The following CNIH3 variants were observed in gnomAD, a reference collection of about 807,000 sequenced individuals.
The protein encoded by CNIH3 is protein cornichon homolog 3.
In CNIH3, 14 loss-of-function variants were observed where a neutral mutation model predicts 24.1. The observed-to-expected ratio is 0.58, with a 90% CI of 0.38 to 0.91. CNIH3 has a LOEUF of 0.91. Ranked by LOEUF, CNIH3 falls within the 40% of genes least tolerant of loss-of-function variation. CNIH3 has a pLI of 0.00. For missense variants in CNIH3, 178 were observed against 196.8 expected, an observed-to-expected ratio of 0.90 and a Z score of 0.57; for synonymous variants, 68 against 73.8, an observed-to-expected ratio of 0.92 and a Z score of 0.40.
intron 3 of CNIH3, among the ~76,000 whole-genome samples, chr1:224,555,031 G>T (rs1680080513): frequency 6.6e-6 from 1 of 152,136 alleles, no homozygotes; most frequent in Non-Finnish European, 1.5e-5. Flanking sequence ...CGTGGGTTTT[G>T]GTATTTGTTG....
Position 224,469,307 on chromosome 1 carries a change from C to G in CNIH3, n.203+34445C>G, listed in dbSNP as rs964887300. Among the ~76,000 whole-genome samples, 18 of 152,006 alleles carry G rather than the reference C, an allele frequency of 1.2e-4. No homozygotes were observed. In the South Asian group the frequency reaches 2.3e-3, roughly 19 times the overall value. On this transcript the variant is annotated intron_variant and non_coding_transcript_variant, in intron 1 of 5. Transcript: ENST00000471578. ...ATATTTCCCAGGCTGGTCTTGAACT[C>G]CTGGACTCAAATGATCCTTCCACCT...
intron 3 of CNIH3, among the ~76,000 whole-genome samples, chr1:224,610,520 T>G (rs1682642138): frequency 6.6e-6 from 1 of 152,206 alleles, no homozygotes; most frequent in South Asian, 2.1e-4. Context: ...CCCCGTTGCC[T>G]TCTGCTGTGA....
At position 224,547,587 on chromosome 1, in the gene CNIH3, G is replaced by A. The variant is rs185521539; in HGVS notation, n.450+648G>A. ...CTGTGATATTCTTCATAATATATAA[G>A]GGAGATGTTACTCCTAATATCACAG... On this transcript the variant is annotated intron_variant and non_coding_transcript_variant, in intron 3 of 5. Coordinates refer to the CNIH3 transcript ENST00000471578. Among the ~76,000 whole-genome samples the A allele has an allele frequency of 4.7e-3, 719 of 151,608 alleles. 7 individuals are homozygous for A. The highest frequency in any genetic ancestry group is 0.027 in the Middle Eastern group (8 of 292).
At chr1:224,563,512 G>A (rs1052942586) in intron 3 of CNIH3, among the ~76,000 whole-genome samples, 2 of 149,584 alleles carry the variant, frequency 1.3e-5, no homozygotes, top group African/African-American at 5.0e-5. Flanking sequence ...CTAGCCTCAG[G>A]GAGAGTGAGA....
At chr1:224,675,130 T>A (rs1476336554) in intron 1 of CNIH3, among the ~76,000 whole-genome samples, 1 of 151,942 alleles carries the variant, frequency 6.6e-6, no homozygotes, top group Admixed American at 6.6e-5. Context: ...AAAAGTCTGG[T>A]GAGAAAAAAA....
At chr1:224,680,302 C>T (rs1686337932) in intron 1 of CNIH3, among the ~76,000 whole-genome samples, 1 of 152,194 alleles carries the variant, frequency 6.6e-6, no homozygotes, top group African/African-American at 2.4e-5. Flanking sequence ...CATTCTGTGA[C>T]TGGAAAAGGT....
chr1:224,735,228 C>CTGT (rs1689536852), intron 5 of CNIH3, among the ~76,000 whole-genome samples: 1 of 152,190 alleles, frequency 6.6e-6, no homozygotes, highest in Admixed American at 6.5e-5. Flanking sequence ...ACAGTTTTCC[C>CTGT]AATATTACAT....
intron 1 of CNIH3, chr1:224,435,332 C>A (rs1674604170): frequency 1.8e-6 from 1 of 546,894 alleles, no homozygotes. Context: ...TGAATTTCCA[C>A]AGCCAAGTGC....
chr1:224,645,209 C>G (rs1159905419), intron 1 of CNIH3, among the ~76,000 whole-genome samples: 2 of 152,218 alleles, frequency 1.3e-5, no homozygotes, highest in East Asian at 1.9e-4. Flanking sequence ...TCAGTTCTCT[C>G]TCTCTCCTCC....
intron 4 of CNIH3, among the ~76,000 whole-genome samples, chr1:224,572,363 A>G (rs1490641940): frequency 6.6e-6 from 1 of 152,036 alleles, no homozygotes; most frequent in African/African-American, 2.4e-5. Flanking sequence ...TAAAAATACA[A>G]AACTTATCTG....
intron 4 of CNIH3, among the ~76,000 whole-genome samples, chr1:224,582,134 C>G (rs1681301600): frequency 6.6e-6 from 1 of 152,288 alleles, no homozygotes; most frequent in South Asian, 2.1e-4. Flanking sequence ...ATAATATTTA[C>G]ATACAATTCA....
rs896666665 is a variant in CNIH3 at position 224,448,215 on chromosome 1, C to T, written n.203+13353C>T. On this transcript the variant is annotated intron_variant and non_coding_transcript_variant, in intron 1 of 5. Coordinates refer to the CNIH3 transcript ENST00000471578. Reference sequence around the variant, plus strand: ...TCGTGCCACTGTACTCCAGCCTGGACGACAGAGCAAGATCCTGTCTCCCAA... The same window carrying T: ...TCGTGCCACTGTACTCCAGCCTGGATGACAGAGCAAGATCCTGTCTCCCAA... 5.3e-5 allele frequency among the ~76,000 whole-genome samples: 8 copies of T among 151,484 alleles called. 1 individual carries two copies. Among genetic ancestry groups the T allele is most frequent in the South Asian group, 4.2e-4 (2 of 4,814 alleles).
At chr1:224,518,482 C>G (rs553344649) in intron 1 of CNIH3, among the ~76,000 whole-genome samples, 4 of 151,606 alleles carry the variant, frequency 2.6e-5, no homozygotes, top group African/African-American at 9.6e-5. Flanking sequence ...CACCAACACA[C>G]CTGCCTAATT....
At chr1:224,580,577 C>G (rs1681231105) in intron 4 of CNIH3, among the ~76,000 whole-genome samples, 1 of 151,768 alleles carries the variant, frequency 6.6e-6, no homozygotes, top group African/African-American at 2.4e-5. Context: ...CCAGTAATCC[C>G]AGCACTTTTG....
intron 1 of CNIH3, among the ~76,000 whole-genome samples, chr1:224,496,412 C>T (rs916770822): frequency 5.3e-5 from 8 of 152,182 alleles, no homozygotes; most frequent in African/African-American, 1.9e-4. Context: ...CTGCTACCAC[C>T]ATCGCTCCTG....
intron 2 of CNIH3, among the ~76,000 whole-genome samples, chr1:224,534,484 C>T (rs1485888929): frequency 6.6e-6 from 1 of 152,146 alleles, no homozygotes; most frequent in African/African-American, 2.4e-5. Flanking sequence ...CTATAGATGT[C>T]CCCAGATTTT....
intron 1 of CNIH3, among the ~76,000 whole-genome samples, chr1:224,516,642 C>G (rs1480299370): frequency 1.3e-5 from 2 of 152,368 alleles, no homozygotes; most frequent in Non-Finnish European, 2.9e-5. Context: ...GGTGCTGGCC[C>G]TCCATGTCTC....
chr1:224,538,471 C>G (rs140677963), downstream of CNIH3, among the ~76,000 whole-genome samples: 775 of 152,168 alleles, frequency 5.1e-3, 4 homozygotes, highest in African/African-American at 0.018. Flanking sequence ...GTGGTCGTAG[C>G]ACCGAATGAG....
chr1:224,719,338 A>G (rs1166750138), intron 3 of CNIH3, among the ~76,000 whole-genome samples: 1 of 152,200 alleles, frequency 6.6e-6, no homozygotes, highest in Non-Finnish European at 1.5e-5. Context: ...CAAAATGGTC[A>G]GACTCCCCAG....
Sources: gnomAD v4.1 joint callset for allele counts (sites outside exome capture counted in the v4.1 genomes callset) on GRCh38, gnomAD v4.1.1 for gene constraint, MANE v1.5 for transcripts, NCBI Gene and HGNC (gene_info 2026-07-23, HGNC 2026-07-21) for gene names.